Variants in SORD observed in about 807,000 individuals in gnomAD.
SORD encodes the protein sorbitol dehydrogenase.
In SORD, 18 loss-of-function variants were observed where a neutral mutation model predicts 35.6. That is an observed-to-expected ratio of 0.51 (90% CI 0.35 to 0.75). The LOEUF is 0.75. Ranked by LOEUF, SORD falls within the 30% of genes least tolerant of loss-of-function variation. The pLI, the probability that SORD is intolerant of heterozygous loss-of-function variation, is 0.01. For missense variants in SORD, 250 were observed against 390.2 expected, an observed-to-expected ratio of 0.64 and a Z score of 3.03; for synonymous variants, 106 against 152.9, an observed-to-expected ratio of 0.69 and a Z score of 2.26.
intron 1 of SORD, among the ~76,000 whole-genome samples, chr15:45,028,912 G>C (rs1045604576): frequency 5.3e-5 from 8 of 152,220 alleles, no homozygotes; most frequent in Admixed American, 2.0e-4. Flanking sequence ...CATGAACATG[G>C]GCAGCTCAGA....
At chr15:45,058,106 T>C (rs1893246479) in intron 3 of SORD, among the ~76,000 whole-genome samples, 1 of 152,166 alleles carries the variant, frequency 6.6e-6, no homozygotes, top group African/African-American at 2.4e-5. Flanking sequence ...AAAGAAGGGA[T>C]AGGAGACATG....
intron 1 of SORD, among the ~76,000 whole-genome samples, chr15:45,034,522 T>C (rs7171901): frequency 0.03 from 4,596 of 152,292 alleles, 61 homozygotes; most frequent in African/African-American, 0.1. Flanking sequence ...AAAAGCAAGA[T>C]AACATTTAGT....
intron 1 of SORD, chr15:45,036,305 G>A (rs1375664916): frequency 2.2e-6 from 1 of 455,874 alleles, no homozygotes; most frequent in African/African-American, 2.0e-5. Flanking sequence ...ATGTATTTCT[G>A]ACTTGAAGTG....
intron 3 of SORD, chr15:45,050,526 C>G (rs1475129619): frequency 1.3e-5 from 2 of 152,192 alleles, no homozygotes; most frequent in Non-Finnish European, 2.9e-5. Flanking sequence ...GAATCCTGTA[C>G]AGGGACTGTG....
intron 7 of SORD, among the ~76,000 whole-genome samples, chr15:45,071,520 T>C (rs1345376118): frequency 1.3e-5 from 2 of 152,214 alleles, no homozygotes; most frequent in Non-Finnish European, 2.9e-5. Flanking sequence ...CTAGTTCCAC[T>C]GTTTAGCACC....
intron 4 of SORD, among the ~76,000 whole-genome samples, chr15:45,062,458 C>T (rs1273831028): frequency 3.9e-5 from 6 of 152,052 alleles, no homozygotes; most frequent in East Asian, 1.9e-4. Context: ...CTTCCCCCAC[C>T]GCAGCCTGGC....
rs755696297 is a variant in SORD at position 45,023,338 on chromosome 15, G to T, written c.55G>T (p.Asp19Tyr). The change falls in exon 1 of 9, where the codon GAC (aspartate) becomes TAC (tyrosine). Residue 19 changes from aspartate to tyrosine, a missense_variant. Asp to Tyr is a radical substitution (Grantham distance 160). Transcript: ENST00000267814. ...NLSLVVHGPG[D>Y]LRLENYPIPE... ...TTCCCTGGTGGTGCACGGACCGGGGGACTTGCGCCTGGTAAGCTGGGAAGG... is the reference window on the plus strand; with the variant it reads ...TTCCCTGGTGGTGCACGGACCGGGGTACTTGCGCCTGGTAAGCTGGGAAGG... 3 of 1,582,786 alleles carry T rather than the reference G, an allele frequency of 1.9e-6. No individual in the cohort carries two copies. Among genetic ancestry groups the T allele is most frequent in the South Asian group, 1.2e-5 (1 of 86,376 alleles).
intron 5 of SORD, among the ~76,000 whole-genome samples, chr15:45,067,693 A>T (rs772464644): frequency 6.6e-6 from 1 of 152,148 alleles, no homozygotes; most frequent in Non-Finnish European, 1.5e-5. Context: ...ACCAGGGCCA[A>T]CCCAGGGAGC....
intron 3 of SORD, 37 bp from the exon 4 acceptor site, chr15:45,061,030 C>T (rs1893294868): frequency 2.5e-6 from 4 of 1,613,504 alleles, no homozygotes; most frequent in Non-Finnish European, 2.5e-6. Flanking sequence ...TCTGCTCCCA[C>T]CCTCGGACAT....
intron 3 of SORD, among the ~76,000 whole-genome samples, chr15:45,052,859 A>T (rs1032487198): frequency 6.6e-6 from 1 of 152,164 alleles, no homozygotes; most frequent in South Asian, 2.1e-4. Flanking sequence ...GCCTGCATGA[A>T]GTCTGTAACT....
Position 45,073,126 on chromosome 15 carries a change from C to A in SORD, c.909-239C>A, listed in dbSNP as rs532050589. On this transcript the variant is annotated intron_variant, in intron 8 of 8. Transcript: ENST00000267814. Reference sequence around the variant, plus strand: ...CTTCATGCCACAGGAATTCTAGGCTCCATGGCAGACGTGGCAGAGTGAGCG... The same window carrying A: ...CTTCATGCCACAGGAATTCTAGGCTACATGGCAGACGTGGCAGAGTGAGCG... Among the ~76,000 whole-genome samples the A allele has an allele frequency of 6.4e-3, 849 of 131,684 alleles. 195 individuals carry two copies. The highest frequency in any genetic ancestry group is 0.033 in the African/African-American group (809 of 24,186). The allele number at this position is 131,684 out of a possible 152,430, so 86.4% of individuals were successfully genotyped here.
At chr15:45,035,638 C>T (rs781650979) in intron 1 of SORD, among the ~76,000 whole-genome samples, 1 of 152,186 alleles carries the variant, frequency 6.6e-6, no homozygotes, top group Non-Finnish European at 1.5e-5. Flanking sequence ...GGGTCCCCTT[C>T]CACACTGTGG....
At chr15:45,056,064 C>A (rs1413289434) in intron 3 of SORD, among the ~76,000 whole-genome samples, 2 of 147,108 alleles carry the variant, frequency 1.4e-5, no homozygotes, top group African/African-American at 5.0e-5. Context: ...GAAGCATTCC[C>A]TTTGAAAACT....
At chr15:45,023,865 G>A (rs145333132) in intron 1 of SORD, among the ~76,000 whole-genome samples, 2 of 152,278 alleles carry the variant, frequency 1.3e-5, no homozygotes, top group East Asian at 3.9e-4. Context: ...TGCTCAGGAA[G>A]TGCCAGCTCC....
intron 1 of SORD, among the ~76,000 whole-genome samples, chr15:45,039,689 A>T (rs1207111770): frequency 6.6e-6 from 1 of 152,240 alleles, no homozygotes; most frequent in East Asian, 1.9e-4. Flanking sequence ...CAAATGCCAC[A>T]TGGGAAGTTT....
chr15:45,034,895 G>A (rs1387482839), intron 1 of SORD, among the ~76,000 whole-genome samples: 5 of 152,218 alleles, frequency 3.3e-5, no homozygotes, highest in Non-Finnish European at 7.4e-5. Context: ...GGAGTTCCGG[G>A]TAGGCGTGGG....
chr15:45,050,558 T>A (rs1359321513), intron 3 of SORD: 3 of 152,236 alleles, frequency 2.0e-5, no homozygotes, highest in Non-Finnish European at 1.5e-5. Flanking sequence ...TGAAGCCAGT[T>A]TTCCCAAGGG....
intron 6 of SORD, 134 bp downstream of exon 6, chr15:45,068,380 T>C: frequency 4.2e-6 from 3 of 712,092 alleles, no homozygotes; most frequent in Non-Finnish European, 7.6e-6. Flanking sequence ...TGTGGAAATA[T>C]AGAAGAGTGT....
At chr15:45,069,674 G>T (rs902525320) in intron 7 of SORD, among the ~76,000 whole-genome samples, 5 of 152,112 alleles carry the variant, frequency 3.3e-5, no homozygotes, top group African/African-American at 9.7e-5. Flanking sequence ...AGTAGTTTTG[G>T]TAAAAAGACC....
Sources: allele counts gnomAD v4.1 joint callset (sites outside exome capture counted in the v4.1 genomes callset), GRCh38; gene constraint gnomAD v4.1.1; transcripts MANE v1.5; gene names NCBI Gene and HGNC (gene_info 2026-07-23, HGNC 2026-07-21).